Variants in RARB observed in about 807,000 individuals in gnomAD.
The protein encoded by RARB is retinoic acid receptor beta, also known as HBV-activated protein.
In RARB, 17 loss-of-function variants were observed where a neutral mutation model predicts 51.9. The observed-to-expected ratio is 0.33, with a 90% CI of 0.22 to 0.49. The LOEUF (loss-of-function observed/expected upper bound fraction) is 0.49. Among genes scored for constraint, RARB ranks in the 20% least tolerant of loss-of-function variants. RARB has a pLI of 0.99. For missense variants in RARB, 369 were observed against 550.8 expected (o/e 0.67, Z 3.30); for synonymous variants, 215 against 195.4 (o/e 1.10, Z -0.84).
chr3:25,296,961 A>G (rs1703929492), intron 5 of RARB, among the ~76,000 whole-genome samples: 2 of 152,036 alleles, frequency 1.3e-5, no homozygotes, highest in South Asian at 2.1e-4. Context: ...GTGGACTGAG[A>G]AGATTCCTAG....
intron 5 of RARB, among the ~76,000 whole-genome samples, chr3:25,288,514 C>A (rs1304364074): frequency 6.6e-6 from 1 of 152,176 alleles, no homozygotes; most frequent in African/African-American, 2.4e-5. Context: ...CAGCTGCATT[C>A]ATTTAAATAA....
chr3:25,140,396 ACT>A lies in RARB; in HGVS notation c.-280+8191_-280+8192del, dbSNP rs1700090728. Among the ~76,000 whole-genome samples, 4 of 152,228 alleles carry A rather than the reference ACT, an allele frequency of 2.6e-5. No homozygotes were observed. In the South Asian group the frequency reaches 8.3e-4, roughly 32 times the overall value. On this transcript the variant is annotated intron_variant, in intron 4 of 11. Coordinates refer to the RARB transcript ENST00000383772. The stretch of plus-strand genomic sequence containing the variant: ...CATGGATGAGTTTGAGAGGTTCAAA[ACT>A]CTACTGGATGAAGTAACTGAAGATG...
chr3:25,582,737 A>G (rs542490068), intron 5 of RARB, among the ~76,000 whole-genome samples: 24 of 152,058 alleles, frequency 1.6e-4, no homozygotes, highest in Non-Finnish European at 3.4e-4. Flanking sequence ...TTCCAGCCCC[A>G]TGGATCCAAG....
At chr3:25,384,837 G>A (rs190521389) in intron 5 of RARB, among the ~76,000 whole-genome samples, 12 of 152,264 alleles carry the variant, frequency 7.9e-5, no homozygotes, top group East Asian at 5.8e-4. Flanking sequence ...AATTCTGTTC[G>A]TTCAGAAAGC....
chr3:25,526,760 C>T (rs1698669145), intron 3 of RARB, among the ~76,000 whole-genome samples: 1 of 152,130 alleles, frequency 6.6e-6, no homozygotes, highest in Non-Finnish European at 1.5e-5. Flanking sequence ...CACTCTCAAA[C>T]TTTAAAGAGA....
chr3:24,950,125 G>A (rs529617092), intron 2 of RARB, among the ~76,000 whole-genome samples: 3 of 152,218 alleles, frequency 2.0e-5, no homozygotes, highest in African/African-American at 7.2e-5. Flanking sequence ...GATTTTTATG[G>A]GAGACCTCTC....
At chr3:24,864,908 T>A (rs1321286427) in intron 2 of RARB, among the ~76,000 whole-genome samples, 1 of 152,218 alleles carries the variant, frequency 6.6e-6, no homozygotes, top group Non-Finnish European at 1.5e-5. Flanking sequence ...GCATTTGTAA[T>A]AACTTTCCAG....
chr3:25,422,914 C>A (rs914445289), intron 5 of RARB, among the ~76,000 whole-genome samples: 1 of 152,064 alleles, frequency 6.6e-6, no homozygotes, highest in African/African-American at 2.4e-5. Flanking sequence ...AAACTACAGC[C>A]CATGAGCAAA....
chr3:25,036,359 C>A (rs1034175730), intron 2 of RARB, among the ~76,000 whole-genome samples: 1 of 152,118 alleles, frequency 6.6e-6, no homozygotes, highest in Non-Finnish European at 1.5e-5. Context: ...ATGTCTGTAG[C>A]GCCAAATCCC....
chr3:25,337,270 C>A (rs1008007002), intron 5 of RARB, among the ~76,000 whole-genome samples: 6 of 152,070 alleles, frequency 3.9e-5, no homozygotes, highest in Non-Finnish European at 8.8e-5. Context: ...GCAAAATATT[C>A]CATGGATCAA....
At chr3:25,447,061 C>G (rs1186807944) in intron 1 of RARB, among the ~76,000 whole-genome samples, 1 of 151,918 alleles carries the variant, frequency 6.6e-6, no homozygotes, top group Non-Finnish European at 1.5e-5. Flanking sequence ...GCTCTTCACA[C>G]TTTTGTTAGG....
intron 5 of RARB, among the ~76,000 whole-genome samples, chr3:25,209,869 C>T (rs563978852): frequency 5.3e-5 from 8 of 152,238 alleles, no homozygotes; most frequent in South Asian, 4.2e-4. Context: ...GTGATGTGAC[C>T]GAAACTACTG....
chr3:25,204,442 G>A (rs562484143), intron 5 of RARB, among the ~76,000 whole-genome samples: 24 of 152,262 alleles, frequency 1.6e-4, no homozygotes, highest in East Asian at 9.7e-4. Flanking sequence ...GTTATTCTCC[G>A]TCCACCTTTG....
intron 2 of RARB, among the ~76,000 whole-genome samples, chr3:25,491,122 C>T (rs886333528): frequency 6.6e-6 from 1 of 152,124 alleles, no homozygotes; most frequent in Non-Finnish European, 1.5e-5. Flanking sequence ...TCAGTGGCTT[C>T]CAAGTAGTGG....
intron 2 of RARB, among the ~76,000 whole-genome samples, chr3:24,941,274 G>T (rs2125400093): frequency 6.6e-6 from 1 of 152,154 alleles, no homozygotes; most frequent in Non-Finnish European, 1.5e-5. Context: ...CTAACTTTGG[G>T]TTGACAATTT....
chr3:25,529,076 TGAG>T (rs1361228245), intron 3 of RARB, among the ~76,000 whole-genome samples: 1 of 151,906 alleles, frequency 6.6e-6, no homozygotes, highest in Non-Finnish European at 1.5e-5. Context: ...GACAATGAGA[TGAG>T]GAGTAATTAG....
At chr3:25,448,617 A>G (rs1300207225) in intron 1 of RARB, among the ~76,000 whole-genome samples, 2 of 152,144 alleles carry the variant, frequency 1.3e-5, no homozygotes, top group African/African-American at 4.8e-5. Flanking sequence ...GCAGGCATGC[A>G]CCACCACACC....
Position 25,043,646 on chromosome 3 carries a change from A to T in RARB, c.-379-16479A>T, listed in dbSNP as rs566667892. Among the ~76,000 whole-genome samples, 104 of 152,292 alleles carry T rather than the reference A, an allele frequency of 6.8e-4. 2 individuals carry two copies. Among genetic ancestry groups the T allele is most frequent in the African/African-American group, 2.4e-3 (100 of 41,554 alleles). ...AAGTAGGCGTTACAGGGTTTTTTTT[A>T]AAGGATACTATTTATAATTATATCA... On this transcript the variant is annotated intron_variant, in intron 2 of 11. Coordinates refer to the RARB transcript ENST00000383772.
chr3:25,200,881 C>A (rs548785923), intron 5 of RARB, among the ~76,000 whole-genome samples: 1 of 152,240 alleles, frequency 6.6e-6, no homozygotes, highest in East Asian at 1.9e-4. Context: ...AGCATGATAC[C>A]TCCAGCTTTG....
Sources: allele counts gnomAD v4.1 joint callset (sites outside exome capture counted in the v4.1 genomes callset), GRCh38; gene constraint gnomAD v4.1.1; transcripts MANE v1.5; gene names NCBI Gene and HGNC (gene_info 2026-07-23, HGNC 2026-07-21).